The following TMCO6 variants were observed in gnomAD, a reference collection of about 807,000 sequenced individuals.
TMCO6 encodes the protein transmembrane and coiled-coil domains 6.
Under a neutral mutation model 61.8 loss-of-function variants are expected in TMCO6, and 47 were observed. That is an observed-to-expected ratio of 0.76 (90% CI 0.60 to 0.97). The LOEUF (loss-of-function observed/expected upper bound fraction) is 0.97, where lower values mean the gene tolerates loss of function less well. TMCO6 is among the 50% of genes least tolerant of loss of function. The pLI, the probability that TMCO6 is intolerant of heterozygous loss-of-function variation, is 0.00. For synonymous variants in TMCO6, 261 were observed against 254.2 expected (o/e 1.03, Z -0.25); for missense variants, 557 against 601.6 (o/e 0.93, Z 0.78).
the TMCO6 span, among the ~76,000 whole-genome samples, chr5:140,633,914 G>A: frequency 6.6e-6 from 1 of 150,750 alleles, no homozygotes; most frequent in Non-Finnish European, 1.5e-5. Context: ...TCAGCCTCCC[G>A]AGTAGCTGGG....
At chr5:140,630,121 G>A in the TMCO6 span, among the ~76,000 whole-genome samples, 1 of 151,544 alleles carries the variant, frequency 6.6e-6, no homozygotes. Flanking sequence ...AGCCTCCTGA[G>A]TAGCTGGGAT....
the TMCO6 span, among the ~76,000 whole-genome samples, chr5:140,618,224 G>A: frequency 6.6e-5 from 10 of 152,238 alleles, no homozygotes; most frequent in East Asian, 1.7e-3. Flanking sequence ...GAGGTCAGGA[G>A]TTCGAAACCA....
At chr5:140,605,598 T>A in the TMCO6 span, among the ~76,000 whole-genome samples, 1 of 151,888 alleles carries the variant, frequency 6.6e-6, no homozygotes, top group Admixed American at 6.6e-5. Context: ...GAGAATCGCT[T>A]GCATCCAGGA....
the TMCO6 span, among the ~76,000 whole-genome samples, chr5:140,604,799 A>G: frequency 1.6e-5 from 2 of 128,690 alleles, no homozygotes; most frequent in Non-Finnish European, 3.2e-5. Flanking sequence ...TTTTTTTTGC[A>G]TATTAGCTAC....
At position 140,639,570 on chromosome 5, in the gene TMCO6, G is replaced by C. The variant is rs539436861; in HGVS notation, c.43G>C (p.Gly15Arg). Residue 15 changes from glycine to arginine, a missense_variant, in exon 1 of 12, where the codon GGG (glycine) becomes CGG (arginine). Physicochemically the swap from Gly to Arg is moderately radical, Grantham distance 125. Coordinates refer to ENST00000394671, the MANE Select transcript of TMCO6 (RefSeq NM_018502.5). ...RQGRLRPTVCGVEELRRRRRE... is the reference protein window; with the variant it reads ...RQGRLRPTVCRVEELRRRRRE... ...GGGCCGCCTCAGGCCCACGGTCTGC[G>C]GGGTGGAGGAGCTACGGCGCCGCCG... The C allele has an allele frequency of 1.9e-6, 3 of 1,546,758 alleles. No individual in the cohort carries two copies. Among genetic ancestry groups the C allele is most frequent in the Non-Finnish European group, 2.6e-6 (3 of 1,145,336 alleles).
At chr5:140,632,204 C>G in the TMCO6 span, 2 of 1,613,348 alleles carry the variant, frequency 1.2e-6, no homozygotes, top group African/African-American at 2.7e-5. This position sits in a 1 kb window ranked among gnomAD's most constrained non-coding sequence, Gnocchi z 6.2. Flanking sequence ...TGGCGCGCAG[C>G]GAGTTGTGGC....
At chr5:140,624,862 T>G in the TMCO6 span, among the ~76,000 whole-genome samples, 1 of 148,362 alleles carries the variant, frequency 6.7e-6, no homozygotes, top group Non-Finnish European at 1.5e-5. Flanking sequence ...CTTTCTTTTT[T>G]TTTTTTTTTT....
downstream of TMCO6, among the ~76,000 whole-genome samples, chr5:140,646,884 A>ACAGGGCC (rs1757432760): frequency 1.3e-5 from 2 of 152,182 alleles, no homozygotes; most frequent in Non-Finnish European, 2.9e-5. Flanking sequence ...AGCACTCAGC[A>ACAGGGCC]CAGGGCCCAG....
In TMCO6 at chr5:140,641,866, A is replaced by C; in HGVS notation, c.315-4A>C. On this transcript the variant is annotated splice_region_variant and splice_polypyrimidine_tract_variant and intron_variant, in intron 3 of 11. Coordinates refer to ENST00000394671, the MANE Select transcript of TMCO6 (RefSeq NM_018502.5). ...AAGCAGGGCTCTGGTACTCACTCAC[A>C]TAGGCTGGAGGGCAGCATGCGGACC... 1 of 1,613,160 alleles carries C rather than the reference A, an allele frequency of 6.2e-7. No homozygotes were observed. Among genetic ancestry groups the C allele is most frequent in the Admixed American group, 1.7e-5 (1 of 60,008 alleles).
the TMCO6 span, among the ~76,000 whole-genome samples, chr5:140,626,260 C>T: frequency 6.6e-6 from 1 of 151,610 alleles, no homozygotes; most frequent in Non-Finnish European, 1.5e-5. Flanking sequence ...GAGTCTTGCT[C>T]TATCACCCAG....
the TMCO6 span, among the ~76,000 whole-genome samples, chr5:140,621,160 C>A: frequency 7.9e-5 from 12 of 152,188 alleles, no homozygotes; most frequent in Non-Finnish European, 1.8e-4. Context: ...TCAATTTCTT[C>A]ACTTGGCTTC....
chr5:140,635,696 T>C (rs1209708238), upstream of TMCO6, among the ~76,000 whole-genome samples: 1 of 152,158 alleles, frequency 6.6e-6, no homozygotes, highest in African/African-American at 2.4e-5. Flanking sequence ...AGAGCAAACA[T>C]GAACCCAGAA....
the TMCO6 span, among the ~76,000 whole-genome samples, chr5:140,605,798 T>G: frequency 6.6e-6 from 1 of 151,980 alleles, no homozygotes; most frequent in African/African-American, 2.4e-5. Flanking sequence ...AAGATTGGCA[T>G]TAAGTCTTTT....
the TMCO6 span, among the ~76,000 whole-genome samples, chr5:140,612,334 CTT>C: frequency 4.7e-4 from 53 of 112,236 alleles, no homozygotes; most frequent in Non-Finnish European, 8.3e-4. Context: ...CTTGCCCAAT[CTT>C]TTTTTTTTTT....
Position 140,639,722 on chromosome 5 carries a change from G to A in TMCO6, c.86-17G>A, listed in dbSNP as rs999166229. The A allele has an allele frequency of 6.3e-7, 1 of 1,576,776 alleles. No individual in the cohort carries two copies. Among genetic ancestry groups the A allele is most frequent in the Non-Finnish European group, 8.6e-7 (1 of 1,161,640 alleles). ...GTGGTCGTCCTTCCCACGCTCAGCC[G>A]GCTCCTCTGCCCCCAGCACTGCGGA... is the stretch of plus-strand genomic sequence containing the variant. On this transcript the variant is annotated splice_polypyrimidine_tract_variant and intron_variant, in intron 1 of 11. Coordinates refer to ENST00000394671, the MANE Select transcript of TMCO6 (RefSeq NM_018502.5).
chr5:140,641,997 C>T lies in TMCO6; in HGVS notation c.442C>T (p.Leu148=). The T allele has an allele frequency of 1.9e-6, 3 of 1,613,468 alleles. No individual in the cohort carries two copies. Among genetic ancestry groups the T allele is most frequent in the South Asian group, 1.1e-5 (1 of 91,078 alleles). The change falls in exon 4 of 12, where the codon CTG becomes TTG. Residue 148 remains leucine, a synonymous_variant. Transcript: ENST00000394671. ...SEQSTVAEAC[L]PATSYLLTYL... ...GCAGTCCACTGTTGCTGAGGCCTGC[C>T]TGCCAGCCACTTCTTACCTCCTCAC...
rs2149793768 is a variant in TMCO6, at chr5:140,642,358, A to C, written c.542A>C (p.Glu181Ala). ...CTGGGTAACCTGATCGTGGAGAGTG[A>C]GGCTGTGAGAAGGCAGCTCCTGCCA... is the stretch of plus-strand genomic sequence containing the variant. The part of the protein sequence containing the change: ...YTLGNLIVES[E>A]AVRRQLLPQG... Residue 181 changes from glutamate to alanine, a missense_variant, in exon 5 of 12, where the codon GAG becomes GCG. Coordinates refer to ENST00000394671, the MANE Select transcript of TMCO6 (RefSeq NM_018502.5). The C allele has an allele frequency of 6.2e-7, 1 of 1,613,814 alleles. No homozygotes were observed. Among genetic ancestry groups the C allele is most frequent in the Non-Finnish European group, 8.5e-7 (1 of 1,179,858 alleles).
chr5:140,643,094 T>C (rs1009407801), intron 7 of TMCO6, 53 bp downstream of exon 7: 1 of 1,611,786 alleles, frequency 6.2e-7, no homozygotes, highest in African/African-American at 1.3e-5. Flanking sequence ...CTCCCTTCCA[T>C]GACATTCAAC....
chr5:140,632,264 C>G, the TMCO6 span: 3 of 1,613,596 alleles, frequency 1.9e-6, no homozygotes, highest in African/African-American at 1.3e-5. This position sits in a 1 kb window ranked among gnomAD's most constrained non-coding sequence, Gnocchi z 6.2. Flanking sequence ...GTGCGGCGCA[C>G]ACGCCTGTGG....
Sources: allele counts gnomAD v4.1 joint callset (sites outside exome capture counted in the v4.1 genomes callset), GRCh38; gene constraint gnomAD v4.1.1; non-coding constraint Gnocchi (gnomAD v3.1); transcripts MANE v1.5; gene names NCBI Gene and HGNC (gene_info 2026-07-23, HGNC 2026-07-21).